Variants in JPT2 observed in about 807,000 individuals in gnomAD.
The protein encoded by JPT2 is CRAMP_1 like.
A neutral mutation model predicts 15.9 loss-of-function variants in JPT2; 9 were observed. That is an observed-to-expected ratio of 0.57 (90% CI 0.34 to 0.99). The LOEUF (loss-of-function observed/expected upper bound fraction) is 0.99, where lower values mean the gene tolerates loss of function less well. Among genes scored for constraint, JPT2 ranks in the 50% least tolerant of loss-of-function variants. The probability of loss-of-function intolerance (pLI) is 0.02; values close to 1 mark genes in which losing one functional copy is unlikely to be tolerated. For synonymous variants in JPT2, 95 were observed against 91.7 expected (o/e 1.04, Z -0.21); for missense variants, 267 against 252.1 (o/e 1.06, Z -0.40).
chr16:1,699,048 G>T lies in JPT2; in HGVS notation c.*50G>T, dbSNP rs752680876. The T allele has an allele frequency of 3.8e-6, 6 of 1,575,788 alleles. No homozygotes were observed. On this transcript the variant is annotated 3_prime_UTR_variant, in exon 5 of 5. Coordinates refer to ENST00000248098, the MANE Select transcript of JPT2 (RefSeq NM_144570.3). ...CCAGACCAGAAACTCAAGAGATAGGGTAGCCATGTTTTCATTTCCTTTTGC... is the reference window on the plus strand; with the variant it reads ...CCAGACCAGAAACTCAAGAGATAGGTTAGCCATGTTTTCATTTCCTTTTGC...
rs1219557822 is a variant in JPT2, at chr16:1,699,264, G to T, written c.*266G>T. ...AGGTTTGAGAGGAACTGGAAGGGGG[G>T]TGAGGGTGGGGAGGTGGGGCAGGGC... On this transcript the variant is annotated 3_prime_UTR_variant, in exon 5 of 5. Transcript: ENST00000248098. 8.4e-6 allele frequency: 5 copies of T among 597,320 alleles called. No individual in the cohort carries two copies. Among genetic ancestry groups the T allele is most frequent in the East Asian group, 3.6e-5 (1 of 27,860 alleles). 37.0% of individuals were successfully genotyped at this position (597,320 alleles called of 1,614,324 possible).
intron 2 of JPT2, among the ~76,000 whole-genome samples, chr16:1,690,876 A>G (rs1365586211): frequency 6.6e-6 from 1 of 152,268 alleles, no homozygotes; most frequent in Non-Finnish European, 1.5e-5. Flanking sequence ...AGCATTTGAC[A>G]TATGAGCTAC....
At chr16:1,697,669 T>C in intron 3 of JPT2, 143 bp from the exon 4 acceptor site, 1 of 672,530 alleles carries the variant, frequency 1.5e-6, no homozygotes, top group Non-Finnish European at 2.6e-6. Flanking sequence ...GAATAGTCTG[T>C]AGAGGATTGG....
At chr16:1,696,789 C>T (rs990261271) in intron 3 of JPT2, among the ~76,000 whole-genome samples, 1 of 152,102 alleles carries the variant, frequency 6.6e-6, no homozygotes, top group African/African-American at 2.4e-5. Flanking sequence ...CCAGTGCATG[C>T]CTGTTCGGAT....
chr16:1,678,447 T>TG, intron 1 of JPT2, 91 bp downstream of exon 1: 3 of 411,510 alleles, frequency 7.3e-6, no homozygotes. Flanking sequence ...CGTGTGGGGT[T>TG]GGGGTGGGGT....
intron 1 of JPT2, chr16:1,683,398 A>T: frequency 1.4e-6 from 1 of 690,228 alleles, no homozygotes; most frequent in Non-Finnish European, 2.5e-6. Context: ...GGTGCCAGGT[A>T]CTGCTCCCGG....
Position 1,685,460 on chromosome 16 carries a change from A to G in JPT2, c.66A>G (p.Gly22=). ...GTAGGGCCATGAAGCCCCCAGGAGGAGAATCGAGCAATCTTTTTGGAAGTC... is the reference window on the plus strand; with the variant it reads ...GTAGGGCCATGAAGCCCCCAGGAGGGGAATCGAGCAATCTTTTTGGAAGTC... ...AGSRAMKPPG[G]ESSNLFGSPE... Residue 22 remains glycine (G), a synonymous_variant, in exon 2 of 5, where the codon GGA becomes GGG. Transcript: ENST00000248098. 1 of 1,614,172 alleles carries G rather than the reference A, an allele frequency of 6.2e-7. No homozygotes were observed. The highest frequency in any genetic ancestry group is 8.5e-7 in the Non-Finnish European group (1 of 1,180,036).
At chr16:1,680,550 C>T (rs2037014718) in intron 1 of JPT2, 2 of 1,152,256 alleles carry the variant, frequency 1.7e-6, no homozygotes, top group African/African-American at 3.3e-5. Flanking sequence ...ACATTTGCCA[C>T]TCATCTGAAC....
chr16:1,697,533 G>C (rs1199257479), intron 3 of JPT2, among the ~76,000 whole-genome samples: 5 of 151,156 alleles, frequency 3.3e-5, no homozygotes, highest in Non-Finnish European at 4.4e-5. Flanking sequence ...AAAAAAAATT[G>C]ACTTTGATAT....
chr16:1,684,052 A>G (rs1310135480), intron 1 of JPT2, among the ~76,000 whole-genome samples: 1 of 152,214 alleles, frequency 6.6e-6, no homozygotes, highest in Non-Finnish European at 1.5e-5. Context: ...ACCTAATACT[A>G]TGCACATAGT....
In JPT2 at chr16:1,701,053, A is replaced by T. The variant is rs1345360618; in HGVS notation, c.*2055A>T. ...TCCCTCTGCGAGGCAGTGGGGTGGG[A>T]TTCAGAGTGCTTAGTCTGCTCACTG... On this transcript the variant is annotated 3_prime_UTR_variant, in exon 5 of 5. Coordinates refer to ENST00000248098, the MANE Select transcript of JPT2 (RefSeq NM_144570.3). The T allele has an allele frequency of 6.6e-6, 1 of 152,262 alleles. No homozygotes were observed. Among genetic ancestry groups the T allele is most frequent in the Non-Finnish European group, 1.5e-5 (1 of 68,070 alleles). The allele number at this position is 152,262 out of a possible 1,614,324, so 9.4% of individuals were successfully genotyped here.
chr16:1,694,761 G>A (rs2037129200), intron 3 of JPT2, among the ~76,000 whole-genome samples: 1 of 151,714 alleles, frequency 6.6e-6, no homozygotes, highest in Non-Finnish European at 1.5e-5. Context: ...AAATGGCATT[G>A]GTACAATTGC....
At chr16:1,693,362 G>A (rs2037117816) in intron 3 of JPT2, among the ~76,000 whole-genome samples, 1 of 152,208 alleles carries the variant, frequency 6.6e-6, no homozygotes, top group Non-Finnish European at 1.5e-5. Flanking sequence ...CTCCCAAAGT[G>A]CTGGGATTAC....
intron 1 of JPT2, chr16:1,680,588 G>C (rs1156685782): frequency 1.7e-5 from 16 of 941,324 alleles, no homozygotes; most frequent in Non-Finnish European, 2.1e-5. Flanking sequence ...CGGGCGCCTT[G>C]TAAGCGTCAC....
At chr16:1,684,235 G>A (rs2037046836) in intron 1 of JPT2, among the ~76,000 whole-genome samples, 1 of 152,192 alleles carries the variant, frequency 6.6e-6, no homozygotes, top group African/African-American at 2.4e-5. Flanking sequence ...TGGGATCACA[G>A]ACAGTCCCAT....
chr16:1,696,741 A>G (rs2037145007), intron 3 of JPT2, among the ~76,000 whole-genome samples: 1 of 152,200 alleles, frequency 6.6e-6, no homozygotes, highest in Non-Finnish European at 1.5e-5. Flanking sequence ...CAGTGTTATT[A>G]ATAACTGGGG....
chr16:1,695,926 A>G (rs1189126158), intron 3 of JPT2, among the ~76,000 whole-genome samples: 2 of 152,144 alleles, frequency 1.3e-5, no homozygotes, highest in Non-Finnish European at 1.5e-5. Flanking sequence ...GCATCAAAGG[A>G]CACTATAAAG....
intron 1 of JPT2, among the ~76,000 whole-genome samples, chr16:1,679,711 C>G (rs7204903): frequency 7.0e-6 from 1 of 143,590 alleles, no homozygotes; most frequent in Non-Finnish European, 1.5e-5. Context: ...AAAAAAAAAA[C>G]CCTTTAGATT....
downstream of JPT2, chr16:1,702,405 C>T (rs955985436): frequency 6.4e-6 from 2 of 313,452 alleles, no homozygotes; most frequent in Admixed American, 3.9e-5. Context: ...ATGGGAACCT[C>T]TGGGAGTCAC....
Sources: allele counts gnomAD v4.1 joint callset (sites outside exome capture counted in the v4.1 genomes callset), GRCh38; gene constraint gnomAD v4.1.1; transcripts MANE v1.5; gene names NCBI Gene and HGNC (gene_info 2026-07-23, HGNC 2026-07-21).